PCDHGA2: variants seen among roughly 807,000 people sequenced by gnomAD.
The protein encoded by PCDHGA2 is protocadherin gamma-A2.
Under a neutral mutation model 59.2 loss-of-function variants are expected in PCDHGA2, and 40 were observed. The observed-to-expected ratio is 0.68, with a 90% CI of 0.52 to 0.88. PCDHGA2 has a LOEUF of 0.88. PCDHGA2 is among the 40% of genes least tolerant of loss of function. PCDHGA2 has a pLI of 0.00. For missense variants in PCDHGA2, 1,226 were observed against 1,204.0 expected, an observed-to-expected ratio of 1.02 and a Z score of -0.27; for synonymous variants, 560 against 526.0, an observed-to-expected ratio of 1.06 and a Z score of -0.89.
intron 1 of PCDHGA2, chr5:141,416,902 C>T (rs1364019748): frequency 1.3e-5 from 2 of 152,020 alleles, no homozygotes; most frequent in Non-Finnish European, 2.9e-5. Flanking sequence ...GGAAGGAAAG[C>T]ACACTCTTTA....
In PCDHGA2 at chr5:141,477,500, T is replaced by C. The variant is rs757547508; in HGVS notation, c.2425-17307T>C. The C allele has an allele frequency of 3.1e-6, 5 of 1,614,156 alleles. No homozygotes were observed. Among genetic ancestry groups the C allele is most frequent in the Non-Finnish European group, 4.2e-6 (5 of 1,180,026 alleles). ...CCCTCCACAATCTTCTCAATCTTCC[T>C]ACGACGTTTACATTGAAGAAAACAA... On this transcript the variant is annotated intron_variant, in intron 1 of 3. Coordinates refer to ENST00000394576, the MANE Select transcript of PCDHGA2 (RefSeq NM_018915.4). This position sits in a 1 kb window ranked among gnomAD's most constrained non-coding sequence, Gnocchi z 4.9.
rs557975319 is a variant in PCDHGA2 at position 141,381,867 on chromosome 5, T to C, written c.2424+40472T>C. ...TTTTTTTGGCAGAGTTTTGCTCTTGTTGTCCAGGCTGGAGTGCAATGGTGT... is the reference window on the plus strand; with the variant it reads ...TTTTTTTGGCAGAGTTTTGCTCTTGCTGTCCAGGCTGGAGTGCAATGGTGT... On this transcript the variant is annotated intron_variant, in intron 1 of 3. Coordinates refer to ENST00000394576, the MANE Select transcript of PCDHGA2 (RefSeq NM_018915.4). Among the ~76,000 whole-genome samples, 9 of 148,494 alleles carry C rather than the reference T, an allele frequency of 6.1e-5. No homozygotes were observed. In the South Asian group the frequency reaches 2.0e-3, roughly 33 times the overall value.
At position 141,393,973 on chromosome 5, in the gene PCDHGA2, G is replaced by A. The variant is rs776954838; in HGVS notation, c.2424+52578G>A. ...AATGGTCAAGTTGTCTGTTACACAC[G>A]TGATAATTTACCTTTTAAATTAGAA... On this transcript the variant is annotated intron_variant, in intron 1 of 3. Transcript: ENST00000394576. 3.1e-6 allele frequency: 5 copies of A among 1,613,784 alleles called. No individual in the cohort carries two copies. The South Asian group carries it at 5.5e-5, about 18-fold the overall frequency.
At chr5:141,412,779 C>A (rs966431850) in intron 1 of PCDHGA2, among the ~76,000 whole-genome samples, 6 of 152,168 alleles carry the variant, frequency 3.9e-5, no homozygotes, top group Non-Finnish European at 7.3e-5. Context: ...ACAATATTTT[C>A]ACTCCACTTT....
intron 1 of PCDHGA2, chr5:141,403,027 G>A: frequency 6.2e-7 from 1 of 1,614,070 alleles, no homozygotes; most frequent in East Asian, 2.2e-5. Context: ...TGCTATGGGA[G>A]GCCAGGGCCA....
Position 141,338,778 on chromosome 5 carries a change from C to T in PCDHGA2, c.-194C>T. 7.7e-7 allele frequency: 1 copy of T among 1,297,658 alleles called. No individual in the cohort carries two copies. Among genetic ancestry groups the T allele is most frequent in the Non-Finnish European group, 9.7e-7 (1 of 1,026,582 alleles). 80.4% of individuals were successfully genotyped at this position (1,297,658 alleles called of 1,614,324 possible). On this transcript the variant is annotated 5_prime_UTR_variant, in exon 1 of 4. Transcript: ENST00000394576. ...GACATCCAATCCAGCAATACGGCTC[C>T]CACAGCACAAGGGGGTGGAGGTTTG...
rs756005665 is a variant in PCDHGA2, at chr5:141,351,018, C to T, written c.2424+9623C>T. 1.1e-5 allele frequency: 18 copies of T among 1,613,906 alleles called. No homozygotes were observed. Among genetic ancestry groups the T allele is most frequent in the African/African-American group, 1.1e-4 (8 of 74,934 alleles). ...AGGGTTAGCCTCCAAGAAAACGTAC[C>T]GTGGGGAACCTCCGTGCTGCGGGTG... On this transcript the variant is annotated intron_variant, in intron 1 of 3. Transcript: ENST00000394576.
intron 1 of PCDHGA2, chr5:141,379,313 A>C (rs1053297201): frequency 4.6e-5 from 7 of 152,264 alleles, no homozygotes; most frequent in African/African-American, 1.7e-4. Flanking sequence ...CCTAAACAAG[A>C]GATCTAATCA....
chr5:141,500,176 A>ATTTT (rs1468241826), intron 2 of PCDHGA2, among the ~76,000 whole-genome samples: 91 of 145,916 alleles, frequency 6.2e-4, no homozygotes, highest in African/African-American at 2.3e-3. Context: ...CATGAGCTTC[A>ATTTT]TTTTTATTTT....
Position 141,431,478 on chromosome 5 carries a change from C to T in PCDHGA2, c.2425-63329C>T, listed in dbSNP as rs1163422580. On this transcript the variant is annotated intron_variant, in intron 1 of 3. Coordinates refer to ENST00000394576, the MANE Select transcript of PCDHGA2 (RefSeq NM_018915.4). The surrounding 1 kb of genome is among the most constrained non-coding windows in gnomAD (Gnocchi z 4.8). ...GTTCTGGATGCGAACGACAACGCAC[C>T]AGCGTTTGCTCAGCCCGAGTACCGC... The T allele has an allele frequency of 6.2e-7, 1 of 1,613,748 alleles. No individual in the cohort carries two copies. The highest frequency in any genetic ancestry group is 8.5e-7 in the Non-Finnish European group (1 of 1,179,976).
Position 141,340,726 on chromosome 5 carries a change from C to T in PCDHGA2, c.1755C>T (p.Gly585=), listed in dbSNP as rs2149724080. ...VELAPRSAEP[G]YLVTKVVAVD... is the part of the protein sequence containing the mutation. ...TGGCGCCCCGCTCCGCAGAGCCCGG[C>T]TACCTGGTGACCAAGGTGGTGGCGG... Residue 585 remains glycine, a synonymous_variant, in exon 1 of 4, where the codon GGC becomes GGT. Coordinates refer to ENST00000394576, the MANE Select transcript of PCDHGA2 (RefSeq NM_018915.4). 2 of 1,614,110 alleles carry T rather than the reference C, an allele frequency of 1.2e-6. No homozygotes were observed. The highest frequency in any genetic ancestry group is 4.5e-5 in the East Asian group (2 of 44,862).
Position 141,340,445 on chromosome 5 carries a change from G to T in PCDHGA2, c.1474G>T (p.Ala492Ser), listed in dbSNP as rs763328762. 1.9e-6 allele frequency: 3 copies of T among 1,614,134 alleles called. No individual in the cohort carries two copies. Among genetic ancestry groups the T allele is most frequent in the Non-Finnish European group, 2.5e-6 (3 of 1,180,034 alleles). ...NDNAHVTYSF[A>S]EDTVQGAPLS... ...CAATGCTCATGTAACTTACTCTTTC[G>T]CGGAGGACACTGTTCAGGGGGCACC... The change falls in exon 1 of 4, where the codon GCG becomes TCG. Residue 492 changes from alanine (A) to serine (S), a missense_variant. By Grantham distance (99) the Ala-to-Ser change is moderately conservative (BLOSUM62 1). Transcript: ENST00000394576.
At chr5:141,379,481 A>G (rs969144576) in intron 1 of PCDHGA2, 6 of 152,256 alleles carry the variant, frequency 3.9e-5, no homozygotes, top group Non-Finnish European at 5.9e-5. Context: ...ATGTTATTTT[A>G]CTATACTACC....
chr5:141,478,560 A>G, intron 1 of PCDHGA2: 1 of 1,598,736 alleles, frequency 6.3e-7, no homozygotes, highest in Non-Finnish European at 8.5e-7. Flanking sequence ...AGGTTTAGCA[A>G]GTCATGCTTG....
At chr5:141,509,354 A>G (rs1229726913) in intron 3 of PCDHGA2, among the ~76,000 whole-genome samples, 2 of 152,144 alleles carry the variant, frequency 1.3e-5, no homozygotes, top group Non-Finnish European at 2.9e-5. Context: ...TGGCCTGGGC[A>G]TCCCTGAGGT....
intron 1 of PCDHGA2, chr5:141,400,710 C>A (rs1480952915): frequency 2.9e-6 from 2 of 693,672 alleles, no homozygotes; most frequent in Non-Finnish European, 4.8e-6. Context: ...AAAGAAGTAG[C>A]CTTATAGATT....
intron 1 of PCDHGA2, chr5:141,409,583 G>A (rs1221824873): frequency 1.2e-6 from 2 of 1,613,920 alleles, no homozygotes; most frequent in African/African-American, 1.3e-5. Flanking sequence ...CGTGGTCCAC[G>A]TGGCCGAGAA....
At chr5:141,410,532 A>G in intron 1 of PCDHGA2, 1 of 1,613,908 alleles carries the variant, frequency 6.2e-7, no homozygotes, top group Non-Finnish European at 8.5e-7. Context: ...CATTCCAATG[A>G]AGACATGGTT....
intron 1 of PCDHGA2, chr5:141,373,906 A>G: frequency 1.7e-6 from 1 of 604,222 alleles, no homozygotes; most frequent in Admixed American, 3.7e-5. Context: ...ACATCCTCCA[A>G]CAACAAAGCA....
Sources: gnomAD v4.1 joint callset for allele counts (sites outside exome capture counted in the v4.1 genomes callset) on GRCh38, gnomAD v4.1.1 for gene constraint, Gnocchi (gnomAD v3.1) non-coding constraint, MANE v1.5 for transcripts, NCBI Gene and HGNC (gene_info 2026-07-23, HGNC 2026-07-21) for gene names.